The following TENT4B variants were observed in gnomAD, a reference collection of about 807,000 sequenced individuals.
TENT4B encodes the protein PAP associated domain containing 5.
A neutral mutation model predicts 75.0 loss-of-function variants in TENT4B; 10 were observed. The observed-to-expected ratio is 0.13, with a 90% CI of 0.08 to 0.23. The LOEUF (loss-of-function observed/expected upper bound fraction) is 0.23, where lower values mean the gene tolerates loss of function less well. Ranked by LOEUF, TENT4B falls within the 10% of genes least tolerant of loss-of-function variation. TENT4B has a pLI of 1.00. For synonymous variants in TENT4B, 350 were observed against 357.7 expected, an observed-to-expected ratio of 0.98 and a Z score of 0.24; for missense variants, 579 against 893.8, an observed-to-expected ratio of 0.65 and a Z score of 4.49.
At chr16:50,218,429 C>T (rs555658489) in intron 5 of TENT4B, among the ~76,000 whole-genome samples, 5 of 152,116 alleles carry the variant, frequency 3.3e-5, no homozygotes, top group Non-Finnish European at 5.9e-5. Flanking sequence ...CTCCGCCTCC[C>T]GGGTTCAAGC....
chr16:50,192,855 G>A (rs907399390), intron 1 of TENT4B, among the ~76,000 whole-genome samples: 1 of 152,210 alleles, frequency 6.6e-6, no homozygotes, highest in Admixed American at 6.5e-5. Context: ...GGGAGGCTGG[G>A]TGGATTGCTG....
At chr16:50,168,072 T>A (rs2038136646) in intron 1 of TENT4B, among the ~76,000 whole-genome samples, 1 of 151,610 alleles carries the variant, frequency 6.6e-6, no homozygotes, top group Non-Finnish European at 1.5e-5. Flanking sequence ...GTTTCCTCAT[T>A]GAGCAATGTC....
At chr16:50,196,511 TCA>T (rs2030263638) in intron 1 of TENT4B, among the ~76,000 whole-genome samples, 1 of 151,952 alleles carries the variant, frequency 6.6e-6, no homozygotes, top group Non-Finnish European at 1.5e-5. Context: ...ATCATCATCA[TCA>T]TCATCATCAT....
At chr16:50,225,679 T>C (rs529983489) in intron 10 of TENT4B, among the ~76,000 whole-genome samples, 11 of 151,930 alleles carry the variant, frequency 7.2e-5, no homozygotes, top group African/African-American at 1.4e-4. Context: ...TTGTTTATTG[T>C]TTTTTCCTTT....
At position 50,154,277 on chromosome 16, in the gene TENT4B, G is replaced by A. The variant is rs543722488; in HGVS notation, c.638+18G>A. The A allele has an allele frequency of 7.2e-6, 10 of 1,396,432 alleles. 1 individual carries two copies. In the East Asian group the frequency reaches 1.1e-4, roughly 16 times the overall value. 86.5% of individuals were successfully genotyped at this position (1,396,432 alleles called of 1,614,324 possible). A position where few individuals can be genotyped will look rare whatever the true frequency, so the allele number is the denominator to read the frequency against. On this transcript the variant is annotated intron_variant, in intron 1 of 11. Coordinates refer to ENST00000561678, the MANE Select transcript of TENT4B (RefSeq NM_001365324.3). The stretch of plus-strand genomic sequence containing the variant: ...GTCGTGGGGTGAGTGCTGGCTCTGC[G>A]GCCCGATGGCCTGGCCGGTGCGAAT...
chr16:50,170,458 A>G (rs1053284372), intron 1 of TENT4B, among the ~76,000 whole-genome samples: 1 of 152,208 alleles, frequency 6.6e-6, no homozygotes, highest in Non-Finnish European at 1.5e-5. Context: ...CCCCCAATCA[A>G]ATATTTTAAA....
intron 4 of TENT4B, 52 bp downstream of exon 4, chr16:50,216,247 CTT>C: frequency 6.3e-7 from 1 of 1,598,758 alleles, no homozygotes; most frequent in Non-Finnish European, 8.5e-7. Flanking sequence ...ACCTATGAAA[CTT>C]GAATTAAAAT....
In TENT4B at chr16:50,179,488, A is replaced by G. The variant is rs146248307; in HGVS notation, c.638+25229A>G. ...CACTAATGTTCAGTTAAGATTTCTTATGGTGTGGTGAGGAGTAGGATTTTT... is the reference window on the plus strand; with the variant it reads ...CACTAATGTTCAGTTAAGATTTCTTGTGGTGTGGTGAGGAGTAGGATTTTT... On this transcript the variant is annotated intron_variant, in intron 1 of 11. Transcript: ENST00000561678. Among the ~76,000 whole-genome samples the G allele has an allele frequency of 4.6e-5, 7 of 152,240 alleles. No individual in the cohort carries two copies. In the East Asian group the frequency reaches 1.4e-3, roughly 29 times the overall value.
intron 1 of TENT4B, among the ~76,000 whole-genome samples, chr16:50,157,069 C>T (rs2037915521): frequency 6.6e-6 from 1 of 152,202 alleles, no homozygotes; most frequent in Non-Finnish European, 1.5e-5. Context: ...ATTAAATATA[C>T]TAAAACTGTT....
At chr16:50,179,370 A>AT (rs1039738997) in intron 1 of TENT4B, among the ~76,000 whole-genome samples, 39 of 147,890 alleles carry the variant, frequency 2.6e-4, no homozygotes, top group African/African-American at 4.9e-4. Context: ...TCAAAAGAAA[A>AT]TTTTTTTTTT....
At chr16:50,158,129 C>T (rs1046148843) in intron 1 of TENT4B, among the ~76,000 whole-genome samples, 14 of 151,994 alleles carry the variant, frequency 9.2e-5, no homozygotes, top group East Asian at 1.9e-4. Context: ...CTCTCTTGCC[C>T]AGGCTGGAGT....
chr16:50,169,361 T>G (rs1265101204), intron 1 of TENT4B, among the ~76,000 whole-genome samples: 2 of 148,982 alleles, frequency 1.3e-5, no homozygotes, highest in Non-Finnish European at 3.0e-5. Context: ...TGTAACTAGA[T>G]CTAGAGATTT....
rs540770068 is a variant in TENT4B, at chr16:50,228,678, G to A, written c.1966-474G>A. ...TACCTACGCGGCCTTAGCCATGTAT[G>A]CCAGACACAGACTTATCACAAAATA... On this transcript the variant is annotated intron_variant, in intron 11 of 11. Transcript: ENST00000561678. Among the ~76,000 whole-genome samples the A allele has an allele frequency of 6.6e-5, 10 of 152,312 alleles. No homozygotes were observed. In the East Asian group the frequency reaches 1.9e-3, roughly 29 times the overall value.
At chr16:50,214,159 G>T in intron 2 of TENT4B, 62 bp from the exon 3 acceptor site, 1 of 1,273,038 alleles carries the variant, frequency 7.9e-7, no homozygotes, top group South Asian at 1.3e-5. Flanking sequence ...ATATCTTGGT[G>T]ACTCAATATG....
intron 1 of TENT4B, among the ~76,000 whole-genome samples, chr16:50,189,734 CA>C (rs113313414): frequency 0.22 from 33,142 of 151,688 alleles, 4,264 homozygotes; most frequent in African/African-American, 0.34. Flanking sequence ...AAAAAATAAC[CA>C]GATAATTATA....
At chr16:50,198,237 C>G (rs1335603570) in intron 1 of TENT4B, among the ~76,000 whole-genome samples, 1 of 150,778 alleles carries the variant, frequency 6.6e-6, no homozygotes, top group Non-Finnish European at 1.5e-5. Flanking sequence ...GGCAACATGG[C>G]AAAACCCCGT....
chr16:50,188,340 C>A (rs1018653958), intron 1 of TENT4B, among the ~76,000 whole-genome samples: 1 of 152,146 alleles, frequency 6.6e-6, no homozygotes, highest in Non-Finnish European at 1.5e-5. Flanking sequence ...GCCTTCTGCC[C>A]TTCGCTTGGC....
At chr16:50,219,106 GTGTC>G (rs748463740) in intron 5 of TENT4B, among the ~76,000 whole-genome samples, 35 of 152,234 alleles carry the variant, frequency 2.3e-4, no homozygotes, top group Admixed American at 1.2e-3. Context: ...GTGTGTGTGT[GTGTC>G]TGTCTAATAT....
At chr16:50,179,428 G>A (rs530834161) in intron 1 of TENT4B, among the ~76,000 whole-genome samples, 1 of 152,210 alleles carries the variant, frequency 6.6e-6, no homozygotes, top group South Asian at 2.1e-4. Flanking sequence ...TATGTGACCA[G>A]TTTAATTTTC....
Sources: gnomAD v4.1 joint callset for allele counts (sites outside exome capture counted in the v4.1 genomes callset) on GRCh38, gnomAD v4.1.1 for gene constraint, MANE v1.5 for transcripts, NCBI Gene and HGNC (gene_info 2026-07-23, HGNC 2026-07-21) for gene names.